Variants in HDHD2 observed in about 807,000 individuals in gnomAD.
The protein encoded by HDHD2 is haloacid dehalogenase like hydrolase domain containing 2, also known as haloacid dehalogenase-like hydrolase domain-containing protein 2.
A neutral mutation model predicts 24.8 loss-of-function variants in HDHD2; 26 were observed. That is an observed-to-expected ratio of 1.05 (90% CI 0.77 to 1.45). The LOEUF is 1.45. Ranked by LOEUF, HDHD2 falls within the 40% of genes most tolerant of loss-of-function variation. The pLI is 0.00. For synonymous variants in HDHD2, 128 were observed against 114.9 expected (o/e 1.11, Z -0.73); for missense variants, 299 against 313.4 (o/e 0.95, Z 0.35).
chr18:47,119,456 C>A (rs2063585582), intron 4 of HDHD2, among the ~76,000 whole-genome samples: 1 of 152,230 alleles, frequency 6.6e-6, no homozygotes, highest in Admixed American at 6.5e-5. Flanking sequence ...AAACCACTTT[C>A]TTTGTTCATC....
At chr18:47,135,693 T>C (rs994810473) in intron 2 of HDHD2, among the ~76,000 whole-genome samples, 2 of 152,230 alleles carry the variant, frequency 1.3e-5, no homozygotes, top group Admixed American at 6.5e-5. Context: ...CCTTAATATA[T>C]GTTATTGGTT....
intron 4 of HDHD2, among the ~76,000 whole-genome samples, chr18:47,120,223 T>C (rs1197753764): frequency 6.6e-6 from 1 of 152,152 alleles, no homozygotes; most frequent in Non-Finnish European, 1.5e-5. Flanking sequence ...AATGTAAGAC[T>C]GTTTCATCTA....
chr18:47,147,015 T>C (rs762832067), intron 1 of HDHD2, among the ~76,000 whole-genome samples: 25 of 152,212 alleles, frequency 1.6e-4, no homozygotes, highest in Admixed American at 3.9e-4. Context: ...TACTCTTCTA[T>C]AGATGATATA....
At chr18:47,129,635 G>A (rs568875908) in intron 4 of HDHD2, among the ~76,000 whole-genome samples, 7 of 152,194 alleles carry the variant, frequency 4.6e-5, no homozygotes, top group Non-Finnish European at 8.8e-5. Context: ...TTTAAAGTGT[G>A]GTCAAATGTG....
chr18:47,127,919 G>A (rs1378410559), intron 4 of HDHD2, among the ~76,000 whole-genome samples: 1 of 152,128 alleles, frequency 6.6e-6, no homozygotes, highest in Non-Finnish European at 1.5e-5. Context: ...AAAATCCAAT[G>A]TTTATTGTCA....
intron 3 of HDHD2, among the ~76,000 whole-genome samples, chr18:47,130,998 C>T (rs997806537): frequency 8.6e-5 from 13 of 152,004 alleles, no homozygotes; most frequent in South Asian, 4.2e-4. Flanking sequence ...ATTTTTGAGA[C>T]GGAGTTTTGC....
chr18:47,136,588 G>A lies in HDHD2; in HGVS notation c.-10-139C>T. On this transcript the variant is annotated intron_variant, in intron 1 of 6. Transcript: ENST00000300605. ...GCTGCTTCCATTTTGGAGAAAACTGGTTTTAAAAATTACAAATCCAAAATT... is the reference window on the plus strand; with the variant it reads ...GCTGCTTCCATTTTGGAGAAAACTGATTTTAAAAATTACAAATCCAAAATT... 5.1e-6 allele frequency: 3 copies of A among 587,542 alleles called. No individual in the cohort carries two copies. The East Asian group carries it at 1.1e-4, about 21-fold the overall frequency. 36.4% of individuals were successfully genotyped at this position (587,542 alleles called of 1,614,324 possible).
At chr18:47,148,400 GC>G (rs2063895664) in intron 1 of HDHD2, among the ~76,000 whole-genome samples, 1 of 152,194 alleles carries the variant, frequency 6.6e-6, no homozygotes, top group Admixed American at 6.5e-5. Flanking sequence ...CAAAGGTAGT[GC>G]CTGATTTTGT....
At chr18:47,122,735 T>C (rs978951057) in intron 4 of HDHD2, among the ~76,000 whole-genome samples, 3 of 152,022 alleles carry the variant, frequency 2.0e-5, no homozygotes, top group African/African-American at 4.8e-5. Context: ...TATTAATTAC[T>C]GAAAAAAATG....
rs534827351 is a variant in HDHD2, at chr18:47,145,164, G to A, written c.-11+5214C>T. Among the ~76,000 whole-genome samples the A allele has an allele frequency of 3.9e-5, 6 of 152,296 alleles. No homozygotes were observed. The South Asian group carries it at 1.2e-3, about 32-fold the overall frequency. On this transcript the variant is annotated intron_variant, in intron 1 of 6. Coordinates refer to ENST00000300605, the MANE Select transcript of HDHD2 (RefSeq NM_032124.5). The stretch of plus-strand genomic sequence containing the variant: ...AAGAGAAGATCTTGAAAGCAGCCAA[G>A]GGAAAAGACAAATTGCTTTCAAAGG...
At chr18:47,135,083 A>G (rs765154251) in intron 2 of HDHD2, among the ~76,000 whole-genome samples, 4 of 151,996 alleles carry the variant, frequency 2.6e-5, no homozygotes, top group Non-Finnish European at 5.9e-5. Flanking sequence ...CCACCTATAA[A>G]ATGAACATCA....
At chr18:47,133,409 G>T (rs1389674881) in intron 3 of HDHD2, among the ~76,000 whole-genome samples, 1 of 151,204 alleles carries the variant, frequency 6.6e-6, no homozygotes, top group African/African-American at 2.4e-5. Flanking sequence ...TGGACATTTG[G>T]GTTGGTTCCA....
intron 4 of HDHD2, among the ~76,000 whole-genome samples, chr18:47,127,697 C>T (rs1191138275): frequency 7.4e-6 from 1 of 135,838 alleles, no homozygotes; most frequent in Admixed American, 8.0e-5. Flanking sequence ...GATGACAGAG[C>T]GAGACTTGGT....
intron 6 of HDHD2, chr18:47,111,626 A>AAAT (rs1206290045): frequency 2.0e-6 from 2 of 985,236 alleles, no homozygotes; most frequent in Non-Finnish European, 2.4e-6. Flanking sequence ...ACATTCGAAA[A>AAAT]AATCCACTGT....
chr18:47,115,596 T>C (rs746917975), intron 4 of HDHD2, among the ~76,000 whole-genome samples: 10 of 152,158 alleles, frequency 6.6e-5, no homozygotes, highest in Non-Finnish European at 1.5e-4. Flanking sequence ...CCTTTAGTGG[T>C]TTCAGACACT....
At chr18:47,133,850 G>C (rs1432013002) in intron 3 of HDHD2, among the ~76,000 whole-genome samples, 3 of 151,150 alleles carry the variant, frequency 2.0e-5, no homozygotes, top group African/African-American at 7.3e-5. Flanking sequence ...AAATTTGTTT[G>C]AGTTCTTTGT....
chr18:47,135,347 C>T (rs917446796), intron 2 of HDHD2, among the ~76,000 whole-genome samples: 51 of 151,452 alleles, frequency 3.4e-4, no homozygotes, highest in Non-Finnish European at 5.4e-4. Context: ...CCGCAACCTC[C>T]GCCTCCCAGG....
chr18:47,146,564 TG>T (rs1267689431), intron 1 of HDHD2, among the ~76,000 whole-genome samples: 1 of 152,150 alleles, frequency 6.6e-6, no homozygotes, highest in African/African-American at 2.4e-5. Context: ...CAGCACCATT[TG>T]TAACAGCCAG....
intron 4 of HDHD2, among the ~76,000 whole-genome samples, chr18:47,119,898 T>C (rs569550823): frequency 2.0e-5 from 3 of 152,344 alleles, no homozygotes; most frequent in Middle Eastern, 3.4e-3. Context: ...GAGAACAACA[T>C]TGATCTCCTG....
Sources: allele counts gnomAD v4.1 joint callset (sites outside exome capture counted in the v4.1 genomes callset), GRCh38; gene constraint gnomAD v4.1.1; transcripts MANE v1.5; gene names NCBI Gene and HGNC (gene_info 2026-07-23, HGNC 2026-07-21).